DNAH11: variants seen among roughly 807,000 people sequenced by gnomAD.
DNAH11 encodes the protein dynein axonemal heavy chain 11.
A neutral mutation model predicts 526.0 loss-of-function variants in DNAH11; 442 were observed. The observed-to-expected ratio is 0.84, with a 90% CI of 0.78 to 0.91. The LOEUF (loss-of-function observed/expected upper bound fraction) is 0.91. Ranked by LOEUF, DNAH11 falls within the 40% of genes least tolerant of loss-of-function variation. The pLI is 0.00. For missense variants in DNAH11, 6,989 were observed against 5,448.7 expected, an observed-to-expected ratio of 1.28 and a Z score of -8.90; for synonymous variants, 2,461 against 1,935.9, an observed-to-expected ratio of 1.27 and a Z score of -7.12.
rs765446382 is a variant in DNAH11, at chr7:21,705,494, A to C, written c.6503A>C (p.His2168Pro). Residue 2168 changes from histidine (H) to proline (P), a missense_variant, in exon 39 of 82, where the codon CAC (histidine) becomes CCC (proline). His to Pro is a moderately conservative substitution (Grantham distance 77). Transcript: ENST00000409508. ...CTTGAGGAACTGTTGGCTGTGCGGC[A>C]CTCGGTCTTTGTAGTTGGAAATGCA... ...VQLEELLAVR[H>P]SVFVVGNAGT... is the part of the protein sequence containing the mutation. 3 of 1,613,692 alleles carry C rather than the reference A, an allele frequency of 1.9e-6. No individual in the cohort carries two copies. Among genetic ancestry groups the C allele is most frequent in the Non-Finnish European group, 2.5e-6 (3 of 1,179,730 alleles).
At chr7:21,729,846 C>A (rs1322929557) in intron 45 of DNAH11, among the ~76,000 whole-genome samples, 1 of 152,198 alleles carries the variant, frequency 6.6e-6, no homozygotes, top group Non-Finnish European at 1.5e-5. Context: ...TTACCCTGTT[C>A]CAAAGTCACT....
At chr7:21,560,439 C>G (rs925739907) in intron 4 of DNAH11, among the ~76,000 whole-genome samples, 1 of 152,154 alleles carries the variant, frequency 6.6e-6, no homozygotes, top group Non-Finnish European at 1.5e-5. Flanking sequence ...GTGAATCAGT[C>G]TGAGTCCCAA....
At chr7:21,707,598 A>G (rs1784317198) in intron 39 of DNAH11, 101 bp from the exon 40 acceptor site, 18 of 1,395,570 alleles carry the variant, frequency 1.3e-5, no homozygotes, top group African/African-American at 1.4e-5. Context: ...CACAGCATCT[A>G]GGAACATATA....
At chr7:21,849,790 T>A (rs1782553154) in intron 66 of DNAH11, among the ~76,000 whole-genome samples, 2 of 152,126 alleles carry the variant, frequency 1.3e-5, no homozygotes, top group Non-Finnish European at 2.9e-5. Context: ...TGACTAAGAG[T>A]TGATTTTTTG....
intron 2 of DNAH11, among the ~76,000 whole-genome samples, chr7:21,549,555 T>C (rs1365966470): frequency 6.6e-6 from 1 of 152,186 alleles, no homozygotes; most frequent in African/African-American, 2.4e-5. Context: ...TTTTTCCCTG[T>C]GGTGTTTGCA....
intron 30 of DNAH11, among the ~76,000 whole-genome samples, chr7:21,667,696 G>C (rs1281037192): frequency 6.6e-6 from 1 of 152,110 alleles, no homozygotes; most frequent in Non-Finnish European, 1.5e-5. Flanking sequence ...TTGCAGTTTA[G>C]AGAAGGAATC....
chr7:21,568,380 T>C (rs1330058301), intron 6 of DNAH11, among the ~76,000 whole-genome samples: 1 of 152,048 alleles, frequency 6.6e-6, no homozygotes, highest in African/African-American at 2.4e-5. Context: ...TAAAAGGGAT[T>C]TTGAAGTTCA....
chr7:21,642,571 C>T (rs1787177980), intron 28 of DNAH11, among the ~76,000 whole-genome samples: 1 of 151,960 alleles, frequency 6.6e-6, no homozygotes, highest in East Asian at 1.9e-4. Context: ...TGAATGTGCT[C>T]CCTGTAGTGT....
intron 29 of DNAH11, among the ~76,000 whole-genome samples, chr7:21,657,651 C>G (rs1782073357): frequency 6.6e-6 from 1 of 152,146 alleles, no homozygotes; most frequent in Non-Finnish European, 1.5e-5. Flanking sequence ...GCTTGATGAC[C>G]TTAAAAGTTA....
chr7:21,581,956 A>G lies in DNAH11; in HGVS notation c.1645A>G (p.Arg549Gly). The part of the protein sequence containing the change: ...AFKSKTLEFD[R>G]RLGTIICEAF... ...TAAGTCCAAAACTCTGGAATTTGACAGAAGGCTTGGGACAATTATTTGTGA... is the reference window on the plus strand; with the variant it reads ...TAAGTCCAAAACTCTGGAATTTGACGGAAGGCTTGGGACAATTATTTGTGA... The change falls in exon 9 of 82, where the codon AGA (arginine) becomes GGA (glycine). Residue 549 changes from arginine to glycine, a missense_variant. By Grantham distance (125) the Arg-to-Gly change is moderately radical. Transcript: ENST00000409508. 6.2e-7 allele frequency: 1 copy of G among 1,613,372 alleles called. No individual in the cohort carries two copies. Among genetic ancestry groups the G allele is most frequent in the South Asian group, 1.1e-5 (1 of 90,998 alleles).
At chr7:21,553,847 A>G (rs1783114663) in intron 2 of DNAH11, among the ~76,000 whole-genome samples, 1 of 151,672 alleles carries the variant, frequency 6.6e-6, no homozygotes, top group Non-Finnish European at 1.5e-5. Flanking sequence ...CCCTACAAAG[A>G]CCTTCTGAGC....
chr7:21,692,819 C>G (rs1480002573), intron 35 of DNAH11, among the ~76,000 whole-genome samples: 1 of 152,164 alleles, frequency 6.6e-6, no homozygotes, highest in African/African-American at 2.4e-5. Flanking sequence ...TGCTCACATT[C>G]TTGTCAAAAA....
intron 48 of DNAH11, among the ~76,000 whole-genome samples, chr7:21,741,458 C>T (rs971293621): frequency 6.6e-6 from 1 of 152,214 alleles, no homozygotes; most frequent in Non-Finnish European, 1.5e-5. Flanking sequence ...ATCATGACAA[C>T]AGCAACAGCT....
intron 69 of DNAH11, among the ~76,000 whole-genome samples, chr7:21,864,154 C>T (rs1783177874): frequency 6.6e-6 from 1 of 152,156 alleles, no homozygotes; most frequent in Non-Finnish European, 1.5e-5. Context: ...ACTAATAATA[C>T]TGGTTCTACC....
At chr7:21,563,725 A>G (rs965896397) in intron 5 of DNAH11, among the ~76,000 whole-genome samples, 1 of 152,216 alleles carries the variant, frequency 6.6e-6, no homozygotes, top group African/African-American at 2.4e-5. Context: ...CAATCATTGC[A>G]TGAGTTACTG....
chr7:21,606,535 T>A lies in DNAH11; in HGVS notation c.3758T>A (p.Leu1253Ter), dbSNP rs758061675. ...ACTCTTATAAGGAAAAAATGTATTT[T>A]GTTTGACGTAAGCTAGTTACCAAGT... ...EVTLIRKKCI[L>*]FDAKQAEFRE... The change falls in exon 19 of 82, where the codon TTG becomes TAG. Residue 1253 changes from leucine (L) to a stop codon, truncating the protein, a stop_gained. Transcript: ENST00000409508. LOFTEE classifies it high-confidence loss of function. 8.1e-6 allele frequency: 13 copies of A among 1,608,986 alleles called. No individual in the cohort carries two copies.
chr7:21,705,377 A>G (rs1231290196), intron 38 of DNAH11, 83 bp from the exon 39 acceptor site: 2 of 1,423,110 alleles, frequency 1.4e-6, no homozygotes, highest in Admixed American at 1.8e-5. Flanking sequence ...GTGTAAGGAA[A>G]GAAGAATTGG....
intron 65 of DNAH11, among the ~76,000 whole-genome samples, chr7:21,841,810 C>T (rs978657534): frequency 1.6e-4 from 24 of 152,314 alleles, no homozygotes; most frequent in African/African-American, 5.5e-4. Flanking sequence ...AAATGCACGA[C>T]ACTGAACATT....
intron 73 of DNAH11, among the ~76,000 whole-genome samples, chr7:21,869,248 C>T (rs373663086): frequency 7.2e-5 from 11 of 152,286 alleles, no homozygotes; most frequent in East Asian, 3.9e-4. Flanking sequence ...TCGTCGTTCC[C>T]CTCACTTAGA....
Sources: allele counts gnomAD v4.1 joint callset (sites outside exome capture counted in the v4.1 genomes callset), GRCh38; gene constraint gnomAD v4.1.1; transcripts MANE v1.5; gene names NCBI Gene and HGNC (gene_info 2026-07-23, HGNC 2026-07-21).